Variants in MTMR14 observed in about 807,000 individuals in gnomAD.
The protein encoded by MTMR14 is myotubularin related protein 14.
MTMR14 carries 48 observed loss-of-function variants against 86.3 expected under a neutral mutation model. That is an observed-to-expected ratio of 0.56 (90% CI 0.44 to 0.71). MTMR14 has a LOEUF of 0.71. Ranked by LOEUF, MTMR14 falls within the 30% of genes least tolerant of loss-of-function variation. MTMR14 has a pLI of 0.00. For missense variants in MTMR14, 780 were observed against 834.6 expected, an observed-to-expected ratio of 0.93 and a Z score of 0.81; for synonymous variants, 366 against 326.1, an observed-to-expected ratio of 1.12 and a Z score of -1.32.
chr3:9,651,658 A>G (rs1559552229), intron 1 of MTMR14, among the ~76,000 whole-genome samples: 1 of 152,016 alleles, frequency 6.6e-6, no homozygotes, highest in Non-Finnish European at 1.5e-5. Context: ...CTACCTTTGG[A>G]CTAACTTCTT....
intron 2 of MTMR14, among the ~76,000 whole-genome samples, chr3:9,660,705 T>C (rs1299547742): frequency 2.0e-5 from 3 of 152,348 alleles, no homozygotes; most frequent in Non-Finnish European, 4.4e-5. Context: ...TTTGGGTGCA[T>C]GTGTACAAGA....
chr3:9,676,441 C>T (rs758485356), intron 7 of MTMR14, among the ~76,000 whole-genome samples: 3 of 152,248 alleles, frequency 2.0e-5, no homozygotes, highest in Non-Finnish European at 2.9e-5. Flanking sequence ...GTTGACTTCA[C>T]GCTGTGGGCT....
At chr3:9,652,179 G>C (rs2047339710) in intron 1 of MTMR14, among the ~76,000 whole-genome samples, 1 of 152,052 alleles carries the variant, frequency 6.6e-6, no homozygotes, top group Non-Finnish European at 1.5e-5. Context: ...TGGCCAGGCT[G>C]GTCTCAAGCT....
chr3:9,662,282 A>C lies in MTMR14; in HGVS notation c.324A>C (p.Val108=), dbSNP rs1186779053. 6.2e-7 allele frequency: 1 copy of C among 1,613,244 alleles called. No individual in the cohort carries two copies. The highest frequency in any genetic ancestry group is 2.2e-5 in the East Asian group (1 of 44,868). The change falls in exon 3 of 19, where the codon GTA becomes GTC. Residue 108 remains valine (V), a synonymous_variant. Transcript: ENST00000296003. ...TGTGTGTTAGGTTTGAGAGTACCGT[A>C]CAGGTGAGCAAGTTGCAAGACCTCA... ...EKEKDTFEST[V]QVSKLQDLIH... is the part of the protein sequence containing the mutation.
chr3:9,653,498 G>C, intron 1 of MTMR14, 123 bp from the exon 2 acceptor site: 9 of 1,259,094 alleles, frequency 7.1e-6, no homozygotes, highest in Non-Finnish European at 9.2e-6. Flanking sequence ...CATCTTCCCA[G>C]CACAGAATAA....
chr3:9,678,052 G>A lies in MTMR14; in HGVS notation c.891G>A (p.Gln297=), dbSNP rs767695752. 2 of 1,614,056 alleles carry A rather than the reference G, an allele frequency of 1.2e-6. No individual in the cohort carries two copies. Among genetic ancestry groups the A allele is most frequent in the Non-Finnish European group, 8.5e-7 (1 of 1,180,008 alleles). Residue 297 remains glutamine (Q), a synonymous_variant, in exon 9 of 19, where the codon CAG becomes CAA. Transcript: ENST00000296003. ...LTHSLNIDWS[Q]YQCWDLVQQT... is the part of the protein sequence containing the mutation. ...ACTCTCTGAACATTGACTGGAGCCA[G>A]TATCAGGTGAGGGGCCTGACTCAAG...
In MTMR14 at chr3:9,688,935, T is replaced by G; in HGVS notation, c.1295-9T>G. 2.5e-6 allele frequency: 4 copies of G among 1,613,210 alleles called. No individual in the cohort carries two copies. The highest frequency in any genetic ancestry group is 3.4e-6 in the Non-Finnish European group (4 of 1,179,228). On this transcript the variant is annotated splice_polypyrimidine_tract_variant and intron_variant, in intron 15 of 18. Transcript: ENST00000296003. ...TAACACGCTGACTGATGGCACTGGC[T>G]TCTTTTAGGACGAAAGGACCGTGGC...
chr3:9,675,629 G>A (rs1384314190), intron 7 of MTMR14: 1 of 457,232 alleles, frequency 2.2e-6, no homozygotes, highest in Non-Finnish European at 4.4e-6. Flanking sequence ...CCTGCTTTTG[G>A]TCCCTCTCCT....
At chr3:9,653,814 G>T (rs1184843925) in intron 2 of MTMR14, 45 bp downstream of exon 2, 1 of 1,613,248 alleles carries the variant, frequency 6.2e-7, no homozygotes, top group East Asian at 2.2e-5. Flanking sequence ...GGAGTCCGTG[G>T]CAGCTAATCC....
At chr3:9,697,600 G>T in intron 17 of MTMR14, 111 bp from the exon 18 acceptor site, 1 of 1,232,354 alleles carries the variant, frequency 8.1e-7, no homozygotes. Flanking sequence ...GACAGTGATT[G>T]ACAACAGAAC....
chr3:9,697,707 C>G lies in MTMR14; in HGVS notation c.1614-4C>G. ...CTCTCCCCTCTCTCTCCTCTCTGCC[C>G]CAGATCAGTGGACCATCCCCTGCCC... is the stretch of plus-strand genomic sequence containing the variant. On this transcript the variant is annotated splice_region_variant and splice_polypyrimidine_tract_variant and intron_variant, in intron 17 of 18. Coordinates refer to ENST00000296003, the MANE Select transcript of MTMR14 (RefSeq NM_001077525.3). The G allele has an allele frequency of 6.2e-7, 1 of 1,613,918 alleles. No individual in the cohort carries two copies.
At chr3:9,678,570 C>A (rs980601967) in intron 9 of MTMR14, among the ~76,000 whole-genome samples, 2 of 152,220 alleles carry the variant, frequency 1.3e-5, no homozygotes, top group Non-Finnish European at 1.5e-5. Context: ...CTTTGCTTGC[C>A]ACTTGCTTCA....
intron 17 of MTMR14, among the ~76,000 whole-genome samples, chr3:9,691,060 T>C (rs1203537549): frequency 1.3e-5 from 2 of 152,178 alleles, no homozygotes; most frequent in Non-Finnish European, 2.9e-5. Flanking sequence ...TCTATGGTTT[T>C]TCCCTCTGGG....
chr3:9,685,340 C>T, intron 13 of MTMR14, 93 bp downstream of exon 13: 3 of 1,480,802 alleles, frequency 2.0e-6, no homozygotes, highest in Non-Finnish European at 2.8e-6. Context: ...AGGGGCAGCT[C>T]CTTGCCCCAG....
At chr3:9,685,558 G>A (rs2075915039) in intron 13 of MTMR14, among the ~76,000 whole-genome samples, 1 of 152,132 alleles carries the variant, frequency 6.6e-6, no homozygotes. Flanking sequence ...CTCAGCTCTG[G>A]AACCCCATCC....
chr3:9,660,084 A>G (rs764313881), intron 2 of MTMR14, among the ~76,000 whole-genome samples: 2 of 152,226 alleles, frequency 1.3e-5, no homozygotes, highest in Non-Finnish European at 2.9e-5. Context: ...CTGTGGCAGT[A>G]CTAAAGGTGC....
intron 1 of MTMR14, among the ~76,000 whole-genome samples, chr3:9,651,666 C>T (rs1337646228): frequency 2.6e-5 from 4 of 152,042 alleles, no homozygotes; most frequent in Non-Finnish European, 4.4e-5. Flanking sequence ...GGACTAACTT[C>T]TTGCAAACTT....
intron 2 of MTMR14, 93 bp downstream of exon 2, chr3:9,653,862 C>T (rs1215736885): frequency 2.0e-6 from 3 of 1,529,308 alleles, no homozygotes; most frequent in South Asian, 1.1e-5. Flanking sequence ...AGGGCAGAAT[C>T]ACTTTCCCCA....
chr3:9,654,006 T>G, intron 2 of MTMR14: 1 of 548,552 alleles, frequency 1.8e-6, no homozygotes, highest in Non-Finnish European at 3.3e-6. Flanking sequence ...TAGAGCTCAT[T>G]GTCCTAAGAT....
Sources: gnomAD v4.1 joint callset for allele counts (sites outside exome capture counted in the v4.1 genomes callset) on GRCh38, gnomAD v4.1.1 for gene constraint, MANE v1.5 for transcripts, NCBI Gene and HGNC (gene_info 2026-07-23, HGNC 2026-07-21) for gene names.